The following CENPP variants were observed in gnomAD, a reference collection of about 807,000 sequenced individuals.
CENPP encodes centromere protein P.
A neutral mutation model predicts 35.6 loss-of-function variants in CENPP; 24 were observed. The ratio of observed to expected loss-of-function variants is 0.67; its 90% CI spans 0.49 to 0.95. CENPP has a LOEUF of 0.95. Among genes scored for constraint, CENPP ranks in the 40% least tolerant of loss-of-function variants. The pLI is 0.00. For missense variants in CENPP, 332 were observed against 345.3 expected (o/e 0.96, Z 0.31); for synonymous variants, 120 against 125.5 (o/e 0.96, Z 0.29).
chr9:92,474,901 G>A, intron 5 of CENPP: 1 of 1,607,340 alleles, frequency 6.2e-7, no homozygotes, highest in Non-Finnish European at 8.5e-7. Context: ...CCTTCATGGT[G>A]TCTTAGTGTA....
At chr9:92,556,777 C>G (rs1008246141) in intron 5 of CENPP, among the ~76,000 whole-genome samples, 2 of 152,152 alleles carry the variant, frequency 1.3e-5, no homozygotes, top group African/African-American at 2.4e-5. Flanking sequence ...TTAGTGAGTC[C>G]TTATCTACTC....
At chr9:92,451,686 G>A (rs1051536600) in intron 5 of CENPP, among the ~76,000 whole-genome samples, 1 of 150,692 alleles carries the variant, frequency 6.6e-6, no homozygotes, top group African/African-American at 2.4e-5. Flanking sequence ...AATTACCTTG[G>A]GCAGTATGGC....
chr9:92,457,382 A>C, intron 5 of CENPP: 1 of 1,613,962 alleles, frequency 6.2e-7, no homozygotes, highest in Non-Finnish European at 8.5e-7. Flanking sequence ...CGGGTTGTTG[A>C]ATAAACTTAT....
chr9:92,618,064 G>C lies in CENPP; in HGVS notation c.*4915G>C, dbSNP rs1197095817. On this transcript the variant is annotated 3_prime_UTR_variant, in exon 8 of 8. Coordinates refer to ENST00000375587, the MANE Select transcript of CENPP (RefSeq NM_001012267.3). ...TCATGATAAATCCCAGCCTTAGTTT[G>C]TCCCTAGGCCTCTAGAGCACCACAG... The C allele has an allele frequency of 8.5e-6, 3 of 354,968 alleles. No homozygotes were observed. Among genetic ancestry groups the C allele is most frequent in the African/African-American group, 6.4e-5 (3 of 46,630 alleles). The allele number at this position is 354,968 out of a possible 1,614,324, so 22.0% of individuals were successfully genotyped here. A position where few individuals can be genotyped will look rare whatever the true frequency, so the allele number is the denominator to read the frequency against.
At chr9:92,554,042 G>A (rs566069566) in intron 5 of CENPP, among the ~76,000 whole-genome samples, 2 of 152,286 alleles carry the variant, frequency 1.3e-5, no homozygotes, top group East Asian at 3.9e-4. Context: ...TTGGCTGTGG[G>A]TTTGTCGTAG....
chr9:92,404,426 A>T, intron 5 of CENPP: 1 of 1,000,862 alleles, frequency 1.0e-6, no homozygotes, highest in Non-Finnish European at 1.3e-6. Context: ...TACATTTATT[A>T]AGACTATTAG....
At chr9:92,566,521 G>A (rs905179031) in intron 5 of CENPP, among the ~76,000 whole-genome samples, 3 of 152,100 alleles carry the variant, frequency 2.0e-5, no homozygotes, top group African/African-American at 7.2e-5. Flanking sequence ...GCAACAAAGA[G>A]ATATTAAATC....
intron 5 of CENPP, among the ~76,000 whole-genome samples, chr9:92,429,230 A>G (rs922169005): frequency 2.0e-5 from 3 of 152,176 alleles, no homozygotes; most frequent in East Asian, 1.9e-4. Context: ...TGGAGGAAAG[A>G]TGCCTCCAGA....
intron 5 of CENPP, among the ~76,000 whole-genome samples, chr9:92,545,299 G>A (rs1849409090): frequency 6.6e-6 from 1 of 152,184 alleles, no homozygotes; most frequent in Admixed American, 6.5e-5. Context: ...AACCAGGGCT[G>A]CGTGTGGCAC....
At chr9:92,496,418 TGAA>T in intron 5 of CENPP, 1 of 1,610,240 alleles carries the variant, frequency 6.2e-7, no homozygotes, top group Non-Finnish European at 8.5e-7. Flanking sequence ...GTTTTCAAGA[TGAA>T]GATGTTCCAG....
At chr9:92,584,883 C>T (rs569596577) in intron 5 of CENPP, among the ~76,000 whole-genome samples, 3 of 152,262 alleles carry the variant, frequency 2.0e-5, no homozygotes, top group South Asian at 4.1e-4. Context: ...CATGTACATT[C>T]GTACATTCAT....
chr9:92,350,218 T>G (rs1841407962), intron 4 of CENPP, among the ~76,000 whole-genome samples: 1 of 152,246 alleles, frequency 6.6e-6, no homozygotes, highest in African/African-American at 2.4e-5. Context: ...CTACTTTAGC[T>G]GAAATTGAAA....
chr9:92,416,739 A>G (rs1302869001), intron 5 of CENPP: 2 of 1,613,536 alleles, frequency 1.2e-6, no homozygotes, highest in Non-Finnish European at 1.7e-6. Context: ...AAAATATTAT[A>G]TGGGATGTCT....
chr9:92,410,412 G>C (rs1843414519), intron 5 of CENPP, among the ~76,000 whole-genome samples: 3 of 152,128 alleles, frequency 2.0e-5, no homozygotes, highest in Admixed American at 2.0e-4. Context: ...AACTGTTCTT[G>C]CTAATAAACA....
intron 5 of CENPP, chr9:92,466,618 T>A: frequency 6.8e-7 from 1 of 1,480,744 alleles, no homozygotes; most frequent in Non-Finnish European, 9.4e-7. Context: ...GTGGATTTGA[T>A]TTACCAGTAT....
intron 5 of CENPP, chr9:92,517,059 G>GT (rs1847771729): frequency 6.7e-6 from 1 of 149,994 alleles, no homozygotes; most frequent in Admixed American, 6.6e-5. Context: ...ATTCAGTCAG[G>GT]TATGAGCCTC....
intron 5 of CENPP, among the ~76,000 whole-genome samples, chr9:92,586,503 G>GA (rs1850545136): frequency 6.6e-6 from 1 of 152,078 alleles, no homozygotes. Flanking sequence ...TATACCAGGG[G>GA]AAAAAAGAGT....
intron 5 of CENPP, among the ~76,000 whole-genome samples, chr9:92,606,530 A>G (rs1851085819): frequency 6.6e-6 from 1 of 152,208 alleles, no homozygotes; most frequent in Non-Finnish European, 1.5e-5. Context: ...TCCTAGATAT[A>G]TAACCAAGGG....
chr9:92,461,681 C>T (rs1004407749), intron 5 of CENPP, among the ~76,000 whole-genome samples: 2 of 152,124 alleles, frequency 1.3e-5, no homozygotes, highest in Non-Finnish European at 2.9e-5. Flanking sequence ...ACGATTGTTG[C>T]CTAGATCCAT....
Sources: gnomAD v4.1 joint callset for allele counts (sites outside exome capture counted in the v4.1 genomes callset) on GRCh38, gnomAD v4.1.1 for gene constraint, MANE v1.5 for transcripts, NCBI Gene and HGNC (gene_info 2026-07-23, HGNC 2026-07-21) for gene names.